Variants in GJB7 observed in about 807,000 individuals in gnomAD.
GJB7 encodes the protein gap junction beta-7 protein.
For synonymous variants in GJB7, 87 were observed against 95.2 expected, an observed-to-expected ratio of 0.91 and a Z score of 0.50; for missense variants, 253 against 256.8, an observed-to-expected ratio of 0.99 and a Z score of 0.10.
chr6:87,293,337 A>AT (rs1259837454), intron 2 of GJB7, among the ~76,000 whole-genome samples: 1 of 152,082 alleles, frequency 6.6e-6, no homozygotes, highest in Non-Finnish European at 1.5e-5. Context: ...CCTACAGTTT[A>AT]TTTTTTTAAT....
At position 87,290,789 on chromosome 6, in the gene GJB7, A is replaced by T. The variant is rs1776157086; in HGVS notation, c.-27-5850T>A. On this transcript the variant is annotated intron_variant, in intron 2 of 2. Transcript: ENST00000525899. Reference sequence around the variant, plus strand: ...TTTACTGTTGTCGATGGCTGCTTTCATGCTAGAACTGCAGTGTGGAGTAGT... The same window carrying T: ...TTTACTGTTGTCGATGGCTGCTTTCTTGCTAGAACTGCAGTGTGGAGTAGT... Among the ~76,000 whole-genome samples, 4 of 152,220 alleles carry T rather than the reference A, an allele frequency of 2.6e-5. No homozygotes were observed. In the South Asian group the frequency reaches 8.3e-4, roughly 32 times the overall value.
intron 2 of GJB7, among the ~76,000 whole-genome samples, chr6:87,290,085 C>A (rs1300550095): frequency 1.3e-5 from 2 of 152,198 alleles, no homozygotes; most frequent in African/African-American, 4.8e-5. Context: ...CAGCATTTCA[C>A]AGCATCTCAT....
chr6:87,320,749 G>C (rs1776645128), intron 2 of GJB7, among the ~76,000 whole-genome samples: 1 of 152,198 alleles, frequency 6.6e-6, no homozygotes, highest in Admixed American at 6.5e-5. Flanking sequence ...TTTTCAATTA[G>C]TTGAAAGAGT....
intron 2 of GJB7, among the ~76,000 whole-genome samples, chr6:87,296,152 C>T (rs1334018856): frequency 2.0e-5 from 3 of 152,190 alleles, no homozygotes; most frequent in Non-Finnish European, 2.9e-5. Flanking sequence ...AGTCAGGTGA[C>T]AGATAAATCT....
intron 2 of GJB7, among the ~76,000 whole-genome samples, chr6:87,318,134 T>TA (rs397779991): frequency 2.0e-5 from 3 of 150,928 alleles, no homozygotes; most frequent in East Asian, 1.9e-4. Context: ...TTTTTTTTTT[T>TA]ACTAATTTAT....
chr6:87,291,637 A>G (rs1005219069), intron 2 of GJB7, among the ~76,000 whole-genome samples: 1 of 152,164 alleles, frequency 6.6e-6, no homozygotes, highest in Admixed American at 6.5e-5. Context: ...TCTAGAGTCA[A>G]CCACACATTC....
chr6:87,314,078 A>G (rs2127908691), intron 2 of GJB7, among the ~76,000 whole-genome samples: 1 of 152,378 alleles, frequency 6.6e-6, no homozygotes, highest in African/African-American at 2.4e-5. Context: ...TTCATAAGGT[A>G]CTGCTTTTTA....
At chr6:87,314,087 T>C (rs1271488423) in intron 2 of GJB7, among the ~76,000 whole-genome samples, 1 of 152,266 alleles carries the variant, frequency 6.6e-6, no homozygotes, top group East Asian at 1.9e-4. Context: ...TACTGCTTTT[T>C]ATATCTACAT....
intron 2 of GJB7, among the ~76,000 whole-genome samples, chr6:87,302,174 T>G (rs1480285338): frequency 2.0e-5 from 3 of 152,160 alleles, no homozygotes; most frequent in Admixed American, 2.0e-4. Flanking sequence ...CAAAGCTGGA[T>G]GGAGAGTGAC....
At chr6:87,325,825 A>T (rs1021647662) in intron 1 of GJB7, among the ~76,000 whole-genome samples, 33 of 152,202 alleles carry the variant, frequency 2.2e-4, no homozygotes, top group African/African-American at 8.0e-4. Context: ...TGATTGGAAT[A>T]GTTTCAGAAG....
chr6:87,327,545 T>C (rs1398641079), intron 1 of GJB7, among the ~76,000 whole-genome samples: 2 of 150,100 alleles, frequency 1.3e-5, no homozygotes, highest in Non-Finnish European at 3.0e-5. Flanking sequence ...AAATTCTGGG[T>C]TGAAAATTCT....
At chr6:87,296,149 T>C (rs1039558725) in intron 2 of GJB7, among the ~76,000 whole-genome samples, 3 of 152,248 alleles carry the variant, frequency 2.0e-5, no homozygotes, top group Non-Finnish European at 2.9e-5. Context: ...TATAGTCAGG[T>C]GACAGATAAA....
intron 2 of GJB7, among the ~76,000 whole-genome samples, chr6:87,314,474 C>T (rs1024132160): frequency 2.0e-5 from 3 of 152,188 alleles, no homozygotes; most frequent in South Asian, 2.1e-4. Context: ...AAATAAGAGA[C>T]CTGTGCCTCA....
chr6:87,305,708 A>C (rs370371557), intron 2 of GJB7, among the ~76,000 whole-genome samples: 14 of 152,130 alleles, frequency 9.2e-5, no homozygotes, highest in African/African-American at 3.1e-4. Context: ...AAAAAGAGCC[A>C]GCATTGCCAA....
At chr6:87,291,422 G>C (rs542426309) in intron 2 of GJB7, among the ~76,000 whole-genome samples, 3 of 152,280 alleles carry the variant, frequency 2.0e-5, no homozygotes, top group South Asian at 4.1e-4. Context: ...CACTTGCAAG[G>C]TTTTTAAATT....
intron 2 of GJB7, among the ~76,000 whole-genome samples, chr6:87,312,605 G>C (rs1776527741): frequency 6.6e-6 from 1 of 151,562 alleles, no homozygotes; most frequent in South Asian, 2.1e-4. Flanking sequence ...GAAAATAAAT[G>C]CAACAACAGT....
intron 2 of GJB7, among the ~76,000 whole-genome samples, chr6:87,300,776 T>G (rs1776309525): frequency 6.6e-6 from 1 of 152,228 alleles, no homozygotes; most frequent in Non-Finnish European, 1.5e-5. Context: ...AAGTCAGAAT[T>G]TTAGTGCTTA....
intron 2 of GJB7, among the ~76,000 whole-genome samples, chr6:87,302,005 C>A (rs1776336230): frequency 6.6e-6 from 1 of 152,166 alleles, no homozygotes. Flanking sequence ...ACACAAAGGA[C>A]ATCCACACCA....
In GJB7 at chr6:87,295,709, G is replaced by A. The variant is rs192991500; in HGVS notation, c.-27-10770C>T. On this transcript the variant is annotated intron_variant, in intron 2 of 2. Transcript: ENST00000525899. ...CTGGCAATCTAGTGGCATGAAGGAC[G>A]TTGCCCCACACCATGGCTGACCGTC... 1.6e-3 allele frequency among the ~76,000 whole-genome samples: 251 copies of A among 152,204 alleles called. 1 individual carries two copies. Among genetic ancestry groups the A allele is most frequent in the Non-Finnish European group, 2.0e-3 (133 of 68,008 alleles).
Sources: gnomAD v4.1 joint callset for allele counts (sites outside exome capture counted in the v4.1 genomes callset) on GRCh38, gnomAD v4.1.1 for gene constraint, MANE v1.5 for transcripts, NCBI Gene and HGNC (gene_info 2026-07-23, HGNC 2026-07-21) for gene names.